GABRG3: variants seen among roughly 807,000 people sequenced by gnomAD.
The protein encoded by GABRG3 is gamma-aminobutyric acid type A receptor subunit gamma3, also known as gamma-aminobutyric acid receptor subunit gamma-3.
GABRG3 carries 25 observed loss-of-function variants against 48.8 expected under a neutral mutation model. The observed-to-expected ratio is 0.51, with a 90% CI of 0.37 to 0.72. GABRG3 has a LOEUF of 0.72. Ranked by LOEUF, GABRG3 falls within the 30% of genes least tolerant of loss-of-function variation. GABRG3 has a pLI of 0.00. For synonymous variants in GABRG3, 227 were observed against 217.6 expected (o/e 1.04, Z -0.38); for missense variants, 394 against 577.9 (o/e 0.68, Z 3.26).
rs1417312778 is a variant in GABRG3 at position 27,540,405 on chromosome 15, G to C, written c.*7524G>C. The C allele has an allele frequency of 1.3e-5, 2 of 152,116 alleles. No individual in the cohort carries two copies. Among genetic ancestry groups the C allele is most frequent in the Non-Finnish European group, 2.9e-5 (2 of 68,018 alleles). The allele number at this position is 152,116 out of a possible 1,614,324, so 9.4% of individuals were successfully genotyped here. On this transcript the variant is annotated 3_prime_UTR_variant, in exon 10 of 10. Coordinates refer to ENST00000615808, the MANE Select transcript of GABRG3 (RefSeq NM_033223.5). ...ACTGCAAATTTTGTGAGCTCAAAAA[G>C]ACAATCACTGTGCTTCTTATCATCT... is the stretch of plus-strand genomic sequence containing the variant.
chr15:27,529,142 A>T (rs2150865513), intron 9 of GABRG3, among the ~76,000 whole-genome samples: 1 of 152,266 alleles, frequency 6.6e-6, no homozygotes, highest in African/African-American at 2.4e-5. Context: ...GTATCAACTC[A>T]CTTTATTCTC....
chr15:27,041,635 A>G (rs539732607), intron 3 of GABRG3, among the ~76,000 whole-genome samples: 1 of 152,158 alleles, frequency 6.6e-6, no homozygotes, highest in East Asian at 1.9e-4. Flanking sequence ...TGGTTTCCAT[A>G]TTATTCGTAG....
At chr15:27,346,331 A>G (rs1393525410) in intron 5 of GABRG3, among the ~76,000 whole-genome samples, 6 of 152,160 alleles carry the variant, frequency 3.9e-5, no homozygotes, top group Non-Finnish European at 7.3e-5. Flanking sequence ...TACACCCTTC[A>G]TTCCCCAGCT....
rs768545598 is a variant in GABRG3 at position 27,319,254 on chromosome 15, G to C, written c.271-7555G>C. On this transcript the variant is annotated intron_variant, in intron 3 of 9. Transcript: ENST00000615808. The surrounding 1 kb of genome is among the most constrained non-coding windows in gnomAD (Gnocchi z 4.4). Reference sequence around the variant, plus strand: ...ATGTCTGAAACCAACAAGGGCTCCAGTGAGCCTCGGTCACTGCTCTCTTGA... The same window carrying C: ...ATGTCTGAAACCAACAAGGGCTCCACTGAGCCTCGGTCACTGCTCTCTTGA... Among the ~76,000 whole-genome samples, 11 of 152,212 alleles carry C rather than the reference G, an allele frequency of 7.2e-5. No homozygotes were observed. Among genetic ancestry groups the C allele is most frequent in the Non-Finnish European group, 1.5e-4 (10 of 68,042 alleles).
At chr15:27,113,896 A>G (rs1160812732) in intron 3 of GABRG3, among the ~76,000 whole-genome samples, 2 of 152,182 alleles carry the variant, frequency 1.3e-5, no homozygotes, top group African/African-American at 4.8e-5. Flanking sequence ...TTTCCCCTTT[A>G]CTTACTAGTT....
rs1377080195 is a variant in GABRG3, at chr15:27,248,803, C to CACACACACACACAGAGAGAG, written c.271-78005_271-78004insCACACACACACAGAGAGAGA. ...ACACACACACACACACACACACACA[C>CACACACACACACAGAGAGAG]AGAGAGAGAGAGAGAGAGAGAGAGA... On this transcript the variant is annotated intron_variant, in intron 3 of 9. Transcript: ENST00000615808. Among the ~76,000 whole-genome samples, 30 of 110,238 alleles carry CACACACACACACAGAGAGAG rather than the reference C, an allele frequency of 2.7e-4. No individual in the cohort carries two copies. The East Asian group carries it at 5.5e-3, about 20-fold the overall frequency. The allele number at this position is 110,238 out of a possible 152,430, so 72.3% of individuals were successfully genotyped here.
intron 3 of GABRG3, among the ~76,000 whole-genome samples, chr15:27,115,431 T>C (rs1194261186): frequency 2.0e-5 from 3 of 152,148 alleles, no homozygotes; most frequent in Non-Finnish European, 4.4e-5. Context: ...GTTTTAGTAC[T>C]CTCCTGATCA....
intron 5 of GABRG3, among the ~76,000 whole-genome samples, chr15:27,437,463 C>G (rs1280312610): frequency 2.0e-5 from 3 of 152,148 alleles, no homozygotes; most frequent in Non-Finnish European, 2.9e-5. Context: ...AGATCTTTTT[C>G]TACTTTCAGA....
At chr15:27,454,452 C>T (rs1245646929) in intron 5 of GABRG3, among the ~76,000 whole-genome samples, 6 of 152,120 alleles carry the variant, frequency 3.9e-5, no homozygotes, top group African/African-American at 1.4e-4. Context: ...AACTGAAAAA[C>T]ATGGTAGAAA....
intron 5 of GABRG3, among the ~76,000 whole-genome samples, chr15:27,417,125 G>A (rs1238421293): frequency 6.6e-6 from 1 of 152,158 alleles, no homozygotes; most frequent in African/African-American, 2.4e-5. Flanking sequence ...TGGGAACTGT[G>A]GGTGCTGCTG....
intron 3 of GABRG3, among the ~76,000 whole-genome samples, chr15:27,029,568 A>G (rs12050529): frequency 6.6e-6 from 1 of 152,000 alleles, no homozygotes; most frequent in Non-Finnish European, 1.5e-5. Context: ...ACGCACATTT[A>G]TATGTTTAAT....
chr15:27,339,545 T>G (rs1199185258), intron 5 of GABRG3, among the ~76,000 whole-genome samples: 2 of 152,208 alleles, frequency 1.3e-5, no homozygotes, highest in Non-Finnish European at 2.9e-5. Context: ...CCTTGTGGAA[T>G]GGGAGGCTGC....
chr15:27,049,050 G>A (rs1393588155), intron 3 of GABRG3, among the ~76,000 whole-genome samples: 4 of 152,340 alleles, frequency 2.6e-5, no homozygotes, highest in Admixed American at 6.5e-5. Flanking sequence ...AGAAAGATGC[G>A]GCTTTGCAAG....
At chr15:27,254,312 A>G (rs1890546851) in intron 3 of GABRG3, among the ~76,000 whole-genome samples, 1 of 152,116 alleles carries the variant, frequency 6.6e-6, no homozygotes, top group Non-Finnish European at 1.5e-5. Context: ...ACTCTCGAGA[A>G]GGCGCAGGGG....
At chr15:27,361,577 C>T (rs10083549) in intron 5 of GABRG3, among the ~76,000 whole-genome samples, 50,861 of 152,080 alleles carry the variant, frequency 0.33, 9,965 homozygotes, top group African/African-American at 0.54. Flanking sequence ...TTGAGCTCCC[C>T]TGCCAGAGAA....
chr15:27,003,896 C>T (rs1232668572), intron 2 of GABRG3, among the ~76,000 whole-genome samples: 1 of 143,756 alleles, frequency 7.0e-6, no homozygotes, highest in Non-Finnish European at 1.5e-5. Context: ...GCTGGCCGGG[C>T]AGAGGGGCTC....
chr15:27,303,278 G>C (rs1892274958), intron 3 of GABRG3, among the ~76,000 whole-genome samples: 1 of 150,406 alleles, frequency 6.6e-6, no homozygotes, highest in South Asian at 2.1e-4. Flanking sequence ...AAAGAAATGG[G>C]ACTACAAGGC....
chr15:27,327,554 T>TC (rs2140519225), intron 4 of GABRG3, among the ~76,000 whole-genome samples: 1 of 152,286 alleles, frequency 6.6e-6, no homozygotes, highest in African/African-American at 2.4e-5. Flanking sequence ...AGCCTGTCTC[T>TC]CCCAGGTCTC....
intron 3 of GABRG3, among the ~76,000 whole-genome samples, chr15:27,287,527 G>A (rs1241419319): frequency 6.6e-6 from 1 of 152,072 alleles, no homozygotes; most frequent in Non-Finnish European, 1.5e-5. Flanking sequence ...TTACTTTGGA[G>A]CATAATGTGA....
Sources: gnomAD v4.1 joint callset for allele counts (sites outside exome capture counted in the v4.1 genomes callset) on GRCh38, gnomAD v4.1.1 for gene constraint, Gnocchi (gnomAD v3.1) non-coding constraint, MANE v1.5 for transcripts, NCBI Gene and HGNC (gene_info 2026-07-23, HGNC 2026-07-21) for gene names.